CDH13: variants seen among roughly 807,000 people sequenced by gnomAD.
CDH13 encodes the protein cadherin-13.
A neutral mutation model predicts 63.8 loss-of-function variants in CDH13; 24 were observed. The ratio of observed to expected loss-of-function variants is 0.38; its 90% CI spans 0.27 to 0.53. The LOEUF (loss-of-function observed/expected upper bound fraction) is 0.53, where lower values mean the gene tolerates loss of function less well. Among genes scored for constraint, CDH13 ranks in the 20% least tolerant of loss-of-function variants. The pLI, the probability that CDH13 is intolerant of heterozygous loss-of-function variation, is 0.85. For missense variants in CDH13, 1,049 were observed against 903.1 expected (o/e 1.16, Z -2.07); for synonymous variants, 503 against 355.3 (o/e 1.42, Z -4.67).
intron 1 of CDH13, chr16:82,825,309 G>T (rs1428112179): frequency 2.0e-5 from 3 of 152,062 alleles, no homozygotes; most frequent in Admixed American, 1.3e-4. Context: ...CACCCTCCCT[G>T]ACTTTGTTTT....
At chr16:83,215,349 G>C (rs964630305) in intron 4 of CDH13, among the ~76,000 whole-genome samples, 9 of 151,726 alleles carry the variant, frequency 5.9e-5, no homozygotes, top group African/African-American at 2.2e-4. Flanking sequence ...AAAGTGCTGG[G>C]ATTACAGGCA....
In CDH13 at chr16:83,783,295, G is replaced by C; in HGVS notation, c.1957G>C (p.Ala653Pro). The C allele has an allele frequency of 6.2e-7, 1 of 1,613,870 alleles. No individual in the cohort carries two copies. The highest frequency in any genetic ancestry group is 1.6e-4 in the Middle Eastern group (1 of 6,062). Reference protein sequence around the residue: ...LVSLLQNLNKANYNLPIMVTD... With the variant: ...LVSLLQNLNKPNYNLPIMVTD... ...AAGCCTTCTTCAAAATCTGAACAAAGCAAACTACAACCTGCCCATCATGGT... is the reference window on the plus strand; with the variant it reads ...AAGCCTTCTTCAAAATCTGAACAAACCAAACTACAACCTGCCCATCATGGT... Residue 653 changes from alanine (A) to proline (P), a missense_variant, in exon 13 of 14, where the codon GCA becomes CCA. Ala to Pro is a conservative substitution (Grantham distance 27). Transcript: ENST00000567109.
chr16:83,208,027 C>T (rs2039232473), intron 4 of CDH13, among the ~76,000 whole-genome samples: 1 of 152,104 alleles, frequency 6.6e-6, no homozygotes, highest in Non-Finnish European at 1.5e-5. Flanking sequence ...CCCAAGTGCT[C>T]CATCTTGCCT....
At chr16:83,133,345 G>A (rs1217515449) in intron 4 of CDH13, among the ~76,000 whole-genome samples, 1 of 152,024 alleles carries the variant, frequency 6.6e-6, no homozygotes, top group African/African-American at 2.4e-5. Flanking sequence ...AATAATCTTT[G>A]TATTGATTTC....
At chr16:83,059,432 AGT>A (rs2031290929) in intron 3 of CDH13, among the ~76,000 whole-genome samples, 1 of 152,128 alleles carries the variant, frequency 6.6e-6, no homozygotes, top group East Asian at 1.9e-4. Context: ...GAGCCAGGTG[AGT>A]GTGTGCTCAA....
At chr16:82,955,149 T>G (rs1041050677) in intron 2 of CDH13, among the ~76,000 whole-genome samples, 3 of 152,226 alleles carry the variant, frequency 2.0e-5, no homozygotes, top group Non-Finnish European at 4.4e-5. Context: ...AATTGCTAGG[T>G]TATCGGCAAC....
chr16:82,764,780 A>C (rs1401528199), intron 1 of CDH13, among the ~76,000 whole-genome samples: 1 of 150,876 alleles, frequency 6.6e-6, no homozygotes, highest in Admixed American at 6.6e-5. Flanking sequence ...AACCACACTC[A>C]CAGAGTCCCT....
At chr16:82,959,265 T>C (rs1906592404) in intron 2 of CDH13, among the ~76,000 whole-genome samples, 1 of 152,236 alleles carries the variant, frequency 6.6e-6, no homozygotes, top group Admixed American at 6.5e-5. Flanking sequence ...AGGAAAGCGT[T>C]GGTTATGGCA....
intron 2 of CDH13, among the ~76,000 whole-genome samples, chr16:82,912,394 G>T (rs1172077479): frequency 2.0e-5 from 3 of 152,160 alleles, no homozygotes; most frequent in Non-Finnish European, 2.9e-5. Context: ...CATGGTTGTA[G>T]AGTTCAGATA....
intron 10 of CDH13, among the ~76,000 whole-genome samples, chr16:83,683,093 A>C (rs568789322): frequency 1.1e-4 from 17 of 152,204 alleles, no homozygotes; most frequent in Non-Finnish European, 2.2e-4. Flanking sequence ...AAGTCAGCAA[A>C]GGGCGCCTTG....
At chr16:82,806,913 C>T (rs1446397134) in intron 1 of CDH13, among the ~76,000 whole-genome samples, 3 of 152,056 alleles carry the variant, frequency 2.0e-5, no homozygotes, top group African/African-American at 7.2e-5. Context: ...TAGCATATTC[C>T]AGCAAGGAGT....
chr16:83,702,149 G>A (rs1372720130), intron 10 of CDH13, among the ~76,000 whole-genome samples: 3 of 152,064 alleles, frequency 2.0e-5, no homozygotes, highest in Admixed American at 2.0e-4. Context: ...ATTTCCTTGG[G>A]GTGTAATACA....
At position 82,926,679 on chromosome 16, in the gene CDH13, G is replaced by C. The variant is rs184319007; in HGVS notation, c.157+68206G>C. Among the ~76,000 whole-genome samples, 33 of 152,336 alleles carry C rather than the reference G, an allele frequency of 2.2e-4. No individual in the cohort carries two copies. The East Asian group carries it at 5.8e-3, about 27-fold the overall frequency. ...CGAGAAGACAGATAAGCCAGGAAGT[G>C]ATTCTAGCTCTGCTGTATATCTGTG... On this transcript the variant is annotated intron_variant, in intron 2 of 13. Coordinates refer to ENST00000567109, the MANE Select transcript of CDH13 (RefSeq NM_001257.5).
intron 2 of CDH13, among the ~76,000 whole-genome samples, chr16:82,999,105 C>T (rs1912576428): frequency 6.6e-6 from 1 of 152,130 alleles, no homozygotes; most frequent in African/African-American, 2.4e-5. Context: ...CTGGTGAAAG[C>T]ATCCCTCTTC....
At chr16:83,696,714 C>T (rs1022485842) in intron 10 of CDH13, among the ~76,000 whole-genome samples, 8 of 152,188 alleles carry the variant, frequency 5.3e-5, no homozygotes, top group Admixed American at 2.6e-4. Flanking sequence ...CTAGAATCTC[C>T]GCAGTTCTTG....
intron 7 of CDH13, among the ~76,000 whole-genome samples, chr16:83,516,318 C>T (rs564196587): frequency 6.6e-6 from 1 of 152,228 alleles, no homozygotes; most frequent in South Asian, 2.1e-4. Flanking sequence ...TGGGGGCACC[C>T]TATAATTTTG....
chr16:83,536,884 C>T (rs757098342), intron 7 of CDH13, among the ~76,000 whole-genome samples: 1 of 152,144 alleles, frequency 6.6e-6, no homozygotes, highest in Non-Finnish European at 1.5e-5. Flanking sequence ...CAGGATAACA[C>T]CAGCATTTCT....
chr16:83,018,503 G>A (rs1483737543), intron 2 of CDH13, among the ~76,000 whole-genome samples: 1 of 152,190 alleles, frequency 6.6e-6, no homozygotes. Context: ...TCCTGATGAA[G>A]TCATATAGGT....
intron 3 of CDH13, among the ~76,000 whole-genome samples, chr16:83,035,620 G>T (rs1199388296): frequency 6.6e-6 from 1 of 152,202 alleles, no homozygotes; most frequent in African/African-American, 2.4e-5. Flanking sequence ...CCTGGCCCCT[G>T]AGTCCGTGCC....
Sources: allele counts gnomAD v4.1 joint callset (sites outside exome capture counted in the v4.1 genomes callset), GRCh38; gene constraint gnomAD v4.1.1; transcripts MANE v1.5; gene names NCBI Gene and HGNC (gene_info 2026-07-23, HGNC 2026-07-21).